CORO7: variants seen among roughly 807,000 people sequenced by gnomAD.
CORO7 encodes the protein coronin 7, also known as coronin-7.
In CORO7, 107 loss-of-function variants were observed where a neutral mutation model predicts 126.6. The ratio of observed to expected loss-of-function variants is 0.85; its 90% CI spans 0.72 to 0.99. CORO7 has a LOEUF of 0.99. Ranked by LOEUF, CORO7 falls within the 50% of genes least tolerant of loss-of-function variation. CORO7 has a pLI of 0.00. For missense variants in CORO7, 1,314 were observed against 1,255.8 expected (o/e 1.05, Z -0.70); for synonymous variants, 603 against 536.8 (o/e 1.12, Z -1.70).
At position 4,379,880 on chromosome 16, in the gene CORO7, TA is replaced by T. The variant is rs34020450; in HGVS notation, c.785+8105del. On this transcript the variant is annotated intron_variant, in intron 9 of 27. Transcript: ENST00000251166. ...CAACATGGTGAAACCCTGTCTCTACTAAAAAAAAAAAAAAAAAAAATACAAA... is the reference window on the plus strand; with the variant it reads ...CAACATGGTGAAACCCTGTCTCTACTAAAAAAAAAAAAAAAAAAATACAAA... Among the ~76,000 whole-genome samples the T allele has an allele frequency of 7.6e-3, 827 of 109,178 alleles. 12 individuals are homozygous for T. The highest frequency in any genetic ancestry group is 0.026 in the African/African-American group (715 of 27,258). The allele number at this position is 109,178 out of a possible 152,430, so 71.6% of individuals were successfully genotyped here.
intron 9 of CORO7, among the ~76,000 whole-genome samples, chr16:4,386,739 G>A (rs2055205634): frequency 6.6e-6 from 1 of 152,210 alleles, no homozygotes; most frequent in African/African-American, 2.4e-5. Flanking sequence ...TCTGTAAAAT[G>A]GGCCTTGCCA....
chr16:4,392,275 C>G (rs892029321), intron 7 of CORO7, among the ~76,000 whole-genome samples: 1 of 152,090 alleles, frequency 6.6e-6, no homozygotes, highest in African/African-American at 2.4e-5. Flanking sequence ...CAGTGGGGGT[C>G]CTGGGGGTTC....
At chr16:4,416,016 G>C in intron 1 of CORO7, 1 of 422,932 alleles carries the variant, frequency 2.4e-6, no homozygotes, top group Non-Finnish European at 3.2e-6. Flanking sequence ...GGGGCCAGAG[G>C]AGAGAGGGGC....
At chr16:4,416,371 G>A (rs2056412408) in intron 1 of CORO7, 88 bp downstream of exon 1, 1 of 1,427,486 alleles carries the variant, frequency 7.0e-7, no homozygotes, top group Non-Finnish European at 9.1e-7. Flanking sequence ...AGACGGCCCT[G>A]GAGGGCACCC....
chr16:4,372,965 G>A (rs534035434), intron 9 of CORO7, among the ~76,000 whole-genome samples: 2 of 152,308 alleles, frequency 1.3e-5, no homozygotes, highest in East Asian at 3.9e-4. Context: ...CAGGGCTGGG[G>A]ATTGGATAAA....
chr16:4,356,496 G>C (rs1006620076), intron 26 of CORO7: 2 of 151,338 alleles, frequency 1.3e-5, no homozygotes, highest in African/African-American at 4.9e-5. Context: ...ACAGTGGCAC[G>C]ATTTCGGCTC....
chr16:4,367,955 T>C (rs1181418656), intron 9 of CORO7, among the ~76,000 whole-genome samples: 2 of 152,110 alleles, frequency 1.3e-5, no homozygotes, highest in African/African-American at 2.4e-5. Context: ...AGCCAGCACT[T>C]TGGGAGGCTG....
chr16:4,380,854 CCT>C (rs1306010532), intron 9 of CORO7: 3 of 1,472,416 alleles, frequency 2.0e-6, no homozygotes, highest in Non-Finnish European at 2.7e-6. Context: ...GTCTCTGCCT[CCT>C]CTCTGCTCCC....
In CORO7 at chr16:4,404,055, G is replaced by A. The variant is rs182022486; in HGVS notation, c.564+1436C>T. Among the ~76,000 whole-genome samples, 32 of 152,266 alleles carry A rather than the reference G, an allele frequency of 2.1e-4. No homozygotes were observed. In the East Asian group the frequency reaches 3.5e-3, roughly 17 times the overall value. ...AGTCTCTCAGGACTCTCTGCTCAACGCACACCACAGAGGAAAAACTGATCA... is the reference window on the plus strand; with the variant it reads ...AGTCTCTCAGGACTCTCTGCTCAACACACACCACAGAGGAAAAACTGATCA... On this transcript the variant is annotated intron_variant, in intron 6 of 27. Coordinates refer to ENST00000251166, the MANE Select transcript of CORO7 (RefSeq NM_024535.5).
intron 16 of CORO7, 40 bp downstream of exon 16, chr16:4,361,945 A>G (rs1263316180): frequency 2.1e-5 from 33 of 1,569,806 alleles, no homozygotes; most frequent in Non-Finnish European, 2.7e-5. Context: ...TGCCACAGGC[A>G]GGGAACTGAG....
chr16:4,381,371 C>T lies in CORO7; in HGVS notation c.785+6615G>A, dbSNP rs1361259040. 1.4e-5 allele frequency: 23 copies of T among 1,591,792 alleles called. No individual in the cohort carries two copies. The highest frequency in any genetic ancestry group is 4.7e-5 in the East Asian group (2 of 42,990). Reference sequence around the variant, plus strand: ...GACAACGAGCTGCGGGCACTGCCCCCGCTGCGCCTGCCCCGCCTGCTGCTG... The same window carrying T: ...GACAACGAGCTGCGGGCACTGCCCCTGCTGCGCCTGCCCCGCCTGCTGCTG... On this transcript the variant is annotated intron_variant, in intron 9 of 27. Transcript: ENST00000251166.
chr16:4,411,086 T>C (rs1306758900), intron 3 of CORO7, among the ~76,000 whole-genome samples: 1 of 152,198 alleles, frequency 6.6e-6, no homozygotes, highest in East Asian at 1.9e-4. Context: ...ACTCGGTCAC[T>C]TTAATAAGAA....
At chr16:4,385,486 C>G (rs747053389) in intron 9 of CORO7, among the ~76,000 whole-genome samples, 8 of 152,190 alleles carry the variant, frequency 5.3e-5, no homozygotes, top group Non-Finnish European at 1.2e-4. Flanking sequence ...CACCCAGAAG[C>G]GTGGCACCCA....
At position 4,361,155 on chromosome 16, in the gene CORO7, G is replaced by A. The variant is rs895085675; in HGVS notation, c.1774+7C>T. On this transcript the variant is annotated splice_region_variant and intron_variant, in intron 18 of 27. Coordinates refer to ENST00000251166, the MANE Select transcript of CORO7 (RefSeq NM_024535.5). ...CCACCCCAGCCCCATTCCTGAGCCT[G>A]CCTGACCTGTGAGCACAGTCTCTGG... The A allele has an allele frequency of 6.2e-7, 1 of 1,613,192 alleles. No individual in the cohort carries two copies. The highest frequency in any genetic ancestry group is 8.5e-7 in the Non-Finnish European group (1 of 1,179,994).
chr16:4,366,785 C>T (rs953635232), intron 9 of CORO7, among the ~76,000 whole-genome samples: 1 of 152,170 alleles, frequency 6.6e-6, no homozygotes, highest in African/African-American at 2.4e-5. Flanking sequence ...TCAAGTGATA[C>T]TCCCACCTTA....
intron 9 of CORO7, among the ~76,000 whole-genome samples, chr16:4,373,612 C>G (rs537877904): frequency 2.6e-5 from 4 of 152,284 alleles, no homozygotes; most frequent in African/African-American, 9.6e-5. Context: ...GGAGATGCCC[C>G]GGGCAGGAGA....
intron 9 of CORO7, among the ~76,000 whole-genome samples, chr16:4,379,797 C>G (rs1175664797): frequency 1.3e-5 from 2 of 150,404 alleles, no homozygotes; most frequent in East Asian, 3.9e-4. Context: ...AATCCCAGCA[C>G]TTTTGGAGGC....
intron 6 of CORO7, among the ~76,000 whole-genome samples, chr16:4,403,467 G>T (rs1018157095): frequency 6.6e-6 from 1 of 152,142 alleles, no homozygotes; most frequent in Admixed American, 6.5e-5. Flanking sequence ...CAGGAACCAG[G>T]GAAGGAGGGG....
At chr16:4,403,182 A>G (rs1269885976) in intron 6 of CORO7, among the ~76,000 whole-genome samples, 3 of 152,070 alleles carry the variant, frequency 2.0e-5, no homozygotes. Context: ...GGGCCCATCC[A>G]GCAGCTCCAG....
Sources: gnomAD v4.1 joint callset for allele counts (sites outside exome capture counted in the v4.1 genomes callset) on GRCh38, gnomAD v4.1.1 for gene constraint, MANE v1.5 for transcripts, NCBI Gene and HGNC (gene_info 2026-07-23, HGNC 2026-07-21) for gene names.